HP1BP3: variants seen among roughly 807,000 people sequenced by gnomAD.
HP1BP3 encodes heterochromatin protein 1 binding protein 3, also known as heterochromatin protein 1-binding protein 3.
HP1BP3 carries 12 observed loss-of-function variants against 62.5 expected under a neutral mutation model. That is an observed-to-expected ratio of 0.19 (90% CI 0.12 to 0.31). The LOEUF is 0.31. Among genes scored for constraint, HP1BP3 ranks in the 10% least tolerant of loss-of-function variants. The pLI, the probability that HP1BP3 is intolerant of heterozygous loss-of-function variation, is 1.00. For missense variants in HP1BP3, 502 were observed against 651.8 expected, an observed-to-expected ratio of 0.77 and a Z score of 2.50; for synonymous variants, 260 against 237.8, an observed-to-expected ratio of 1.09 and a Z score of -0.86.
At chr1:20,747,509 A>C in intron 11 of HP1BP3, 35 bp downstream of exon 11, 1 of 1,291,990 alleles carries the variant, frequency 7.7e-7, no homozygotes, top group Non-Finnish European at 1.1e-6. Context: ...TTAGACTATA[A>C]ATTTACAGTG....
At chr1:20,783,292 A>G (rs2154541690) in intron 1 of HP1BP3, among the ~76,000 whole-genome samples, 1 of 152,152 alleles carries the variant, frequency 6.6e-6, no homozygotes, top group Admixed American at 6.5e-5. Flanking sequence ...AGGCTGAGGC[A>G]GGGATCACCT....
intron 6 of HP1BP3, among the ~76,000 whole-genome samples, chr1:20,770,672 A>G (rs565618250): frequency 1.3e-5 from 2 of 152,266 alleles, no homozygotes; most frequent in East Asian, 3.9e-4. Context: ...TCAGTGCTAC[A>G]TGATTTCAAG....
chr1:20,774,192 G>A (rs1182710402), intron 4 of HP1BP3: 1 of 152,154 alleles, frequency 6.6e-6, no homozygotes, highest in Non-Finnish European at 1.5e-5. Flanking sequence ...CACCTAATAG[G>A]TGCATTAGAA....
chr1:20,772,578 T>C (rs1284109331), intron 5 of HP1BP3, among the ~76,000 whole-genome samples: 1 of 152,054 alleles, frequency 6.6e-6, no homozygotes, highest in Non-Finnish European at 1.5e-5. Context: ...CCAGTTTATG[T>C]GTTAGTGCTA....
chr1:20,775,721 TA>T, intron 4 of HP1BP3: 1 of 364,756 alleles, frequency 2.7e-6, no homozygotes, highest in Non-Finnish European at 4.9e-6. Context: ...CACAAATACT[TA>T]CCGTTGTGTT....
chr1:20,749,888 T>C lies in HP1BP3; in HGVS notation c.982-6A>G. 2 of 1,610,362 alleles carry C rather than the reference T, an allele frequency of 1.2e-6. No individual in the cohort carries two copies. Among genetic ancestry groups the C allele is most frequent in the Non-Finnish European group, 1.7e-6 (2 of 1,178,028 alleles). ...TTCTCCCCTGATTTCTTCAGCTGTT[T>C]TCCAAGGAGGAAGAGAAAAGCATCA... On this transcript the variant is annotated splice_polypyrimidine_tract_variant and splice_region_variant and intron_variant, in intron 9 of 12. Transcript: ENST00000438032.
At chr1:20,751,907 T>A (rs779177390) in intron 9 of HP1BP3, among the ~76,000 whole-genome samples, 2 of 152,150 alleles carry the variant, frequency 1.3e-5, no homozygotes, top group Non-Finnish European at 2.9e-5. Flanking sequence ...CTGGTTACAA[T>A]TGTCTGGGTT....
At chr1:20,776,184 G>A in intron 4 of HP1BP3, 1 of 556,632 alleles carries the variant, frequency 1.8e-6, no homozygotes, top group African/African-American at 1.9e-5. Flanking sequence ...ACAAATCAAT[G>A]CCTTCTAACA....
chr1:20,786,541 C>A (rs950523768), intron 1 of HP1BP3: 2 of 152,238 alleles, frequency 1.3e-5, no homozygotes, highest in African/African-American at 2.4e-5. Context: ...GAGGCTGGGG[C>A]TCGGCGCGGT....
rs1331818346 is a variant in HP1BP3 at position 20,773,508 on chromosome 1, T to A, written c.453A>T (p.Thr151=). The A allele has an allele frequency of 1.9e-6, 3 of 1,612,520 alleles. No homozygotes were observed. Among genetic ancestry groups the A allele is most frequent in the Non-Finnish European group, 2.5e-6 (3 of 1,179,152 alleles). Residue 151 remains threonine (T), a synonymous_variant, in exon 5 of 13, where the codon ACA becomes ACT. Coordinates refer to ENST00000438032, the MANE Select transcript of HP1BP3 (RefSeq NM_001372052.1). ...ASQLARAQKQ[T]PMASSPRPKM... ...TGGGACGTGGGGAAGAAGCCATCGG[T>A]GTTTGTTTCTGGGCCCTGGCTAGCT...
At chr1:20,783,769 CAA>C (rs1164930528) in intron 1 of HP1BP3, among the ~76,000 whole-genome samples, 841 of 53,002 alleles carry the variant, frequency 0.016, 1 homozygote, top group African/African-American at 0.065. Context: ...GACTCTGTCT[CAA>C]AAAAAAAAAA....
At chr1:20,754,879 G>C (rs1171731375) in intron 9 of HP1BP3, among the ~76,000 whole-genome samples, 1 of 152,124 alleles carries the variant, frequency 6.6e-6, no homozygotes, top group Non-Finnish European at 1.5e-5. Context: ...AAACGTACGA[G>C]TAAATTTTCA....
At chr1:20,748,592 T>C (rs766065091) in intron 10 of HP1BP3, among the ~76,000 whole-genome samples, 1 of 151,900 alleles carries the variant, frequency 6.6e-6, no homozygotes, top group East Asian at 1.9e-4. Flanking sequence ...TAAAAACAAA[T>C]AATACAAAAA....
At chr1:20,782,771 G>A (rs1167579482) in intron 1 of HP1BP3, among the ~76,000 whole-genome samples, 23 of 151,454 alleles carry the variant, frequency 1.5e-4, no homozygotes, top group Middle Eastern at 3.2e-3. Flanking sequence ...GTGGTGGTGC[G>A]CGCCTGTAAT....
At position 20,772,326 on chromosome 1, in the gene HP1BP3, ATTGTT is replaced by A. The variant is rs1482852807; in HGVS notation, c.510+1120_510+1124del. ...AAACCATTCTTTAAGCCAAATTGATATTGTTTTAATTTTTTATTTCACTATTTTAA... is the reference window on the plus strand; with the variant it reads ...AAACCATTCTTTAAGCCAAATTGATATTAATTTTTTATTTCACTATTTTAA... On this transcript the variant is annotated intron_variant, in intron 5 of 12. Transcript: ENST00000438032. Among the ~76,000 whole-genome samples, 5 of 151,490 alleles carry A rather than the reference ATTGTT, an allele frequency of 3.3e-5. No homozygotes were observed. In the South Asian group the frequency reaches 6.2e-4, roughly 19 times the overall value.
intron 9 of HP1BP3, among the ~76,000 whole-genome samples, chr1:20,756,510 C>T (rs1557646238): frequency 6.6e-6 from 1 of 151,926 alleles, no homozygotes; most frequent in Non-Finnish European, 1.5e-5. Context: ...ATAGAGGCTA[C>T]AGTGAGCTGT....
At chr1:20,778,103 A>G (rs564636656) in intron 3 of HP1BP3, among the ~76,000 whole-genome samples, 6 of 152,236 alleles carry the variant, frequency 3.9e-5, no homozygotes, top group African/African-American at 7.2e-5. Context: ...GTCTTATTCT[A>G]AAAAAGATGA....
chr1:20,779,191 A>G (rs2057433415), intron 3 of HP1BP3, among the ~76,000 whole-genome samples: 1 of 152,196 alleles, frequency 6.6e-6, no homozygotes, highest in Admixed American at 6.5e-5. Flanking sequence ...ATAAAAGGCA[A>G]GAGAGAAAGG....
intron 3 of HP1BP3, among the ~76,000 whole-genome samples, chr1:20,777,416 G>A (rs1460876748): frequency 1.3e-5 from 2 of 151,988 alleles, no homozygotes; most frequent in East Asian, 1.9e-4. Context: ...CAATAATGAC[G>A]AGGACTTCTT....
Sources: gnomAD v4.1 joint callset for allele counts (sites outside exome capture counted in the v4.1 genomes callset) on GRCh38, gnomAD v4.1.1 for gene constraint, MANE v1.5 for transcripts, NCBI Gene and HGNC (gene_info 2026-07-23, HGNC 2026-07-21) for gene names.